The following GALNTL6 variants were observed in gnomAD, a reference collection of about 807,000 sequenced individuals.
GALNTL6 encodes polypeptide N-acetylgalactosaminyltransferase like 6, also known as polypeptide N-acetylgalactosaminyltransferase-like 6.
A neutral mutation model predicts 73.7 loss-of-function variants in GALNTL6; 46 were observed. The observed-to-expected ratio is 0.62, with a 90% CI of 0.49 to 0.80. GALNTL6 has a LOEUF of 0.80. Among genes scored for constraint, GALNTL6 ranks in the 30% least tolerant of loss-of-function variants. The pLI is 0.00. For missense variants in GALNTL6, 604 were observed against 755.0 expected, an observed-to-expected ratio of 0.80 and a Z score of 2.34; for synonymous variants, 259 against 263.7, an observed-to-expected ratio of 0.98 and a Z score of 0.17.
At position 172,705,826 on chromosome 4, in the gene GALNTL6, T is replaced by G. The variant is rs139716263; in HGVS notation, c.554-103535T>G. On this transcript the variant is annotated intron_variant, in intron 5 of 12. Transcript: ENST00000506823. ...TCTTCCTGTCCTGTAGGGTTTCTAC[T>G]GAGAAGTCTGTTGCCAGACAAATCA... 2.0e-5 allele frequency among the ~76,000 whole-genome samples: 3 copies of G among 152,286 alleles called. No homozygotes were observed. The East Asian group carries it at 5.8e-4, about 29-fold the overall frequency.
At position 172,736,151 on chromosome 4, in the gene GALNTL6, A is replaced by C. The variant is rs927914779; in HGVS notation, c.554-73210A>C. Among the ~76,000 whole-genome samples the C allele has an allele frequency of 2.0e-5, 3 of 152,214 alleles. No homozygotes were observed. The South Asian group carries it at 6.2e-4, about 31-fold the overall frequency. The stretch of plus-strand genomic sequence containing the variant: ...CAGGAAACAGGGTTTGAGAGCAGAC[A>C]ACTGGTCTGACTAGAATTTCACCTG... On this transcript the variant is annotated intron_variant, in intron 5 of 12. Transcript: ENST00000506823.
At chr4:172,168,190 A>C (rs183357425) in intron 2 of GALNTL6, among the ~76,000 whole-genome samples, 1 of 152,330 alleles carries the variant, frequency 6.6e-6, no homozygotes, top group Admixed American at 6.5e-5. Flanking sequence ...AAATCCACGA[A>C]AAGTTTCCAG....
At chr4:171,967,081 A>G (rs1386755825) in intron 2 of GALNTL6, among the ~76,000 whole-genome samples, 1 of 152,236 alleles carries the variant, frequency 6.6e-6, no homozygotes, top group Non-Finnish European at 1.5e-5. Flanking sequence ...AAAACCTCCA[A>G]GTATATTTCA....
chr4:172,111,091 C>T (rs544543173), intron 2 of GALNTL6, among the ~76,000 whole-genome samples: 80 of 152,030 alleles, frequency 5.3e-4, no homozygotes, highest in Non-Finnish European at 1.0e-3. Flanking sequence ...CAATCAGCAT[C>T]ATTAGATAAT....
chr4:172,547,319 C>T (rs529095580), intron 5 of GALNTL6, among the ~76,000 whole-genome samples: 3 of 152,182 alleles, frequency 2.0e-5, no homozygotes, highest in Non-Finnish European at 2.9e-5. Context: ...CAGACTGATG[C>T]AAGCCAGGGC....
chr4:171,846,995 T>G (rs1289810867), intron 2 of GALNTL6, among the ~76,000 whole-genome samples: 1 of 147,920 alleles, frequency 6.8e-6, no homozygotes, highest in Non-Finnish European at 1.5e-5. Context: ...CATATACATA[T>G]AATTATATAG....
At chr4:172,784,779 G>T (rs375633540) in intron 5 of GALNTL6, among the ~76,000 whole-genome samples, 2 of 152,286 alleles carry the variant, frequency 1.3e-5, no homozygotes, top group East Asian at 1.9e-4. Flanking sequence ...TAGATGAAGT[G>T]CTTGTTTGCT....
chr4:172,938,395 A>G (rs1579680894), intron 9 of GALNTL6, among the ~76,000 whole-genome samples: 1 of 152,190 alleles, frequency 6.6e-6, no homozygotes, highest in Non-Finnish European at 1.5e-5. Context: ...CAGCTTTCCC[A>G]TCTGAAATAG....
At chr4:171,942,302 AG>A (rs1738575900) in intron 2 of GALNTL6, among the ~76,000 whole-genome samples, 1 of 148,902 alleles carries the variant, frequency 6.7e-6, no homozygotes, top group Admixed American at 6.8e-5. Context: ...GAGAAAAATG[AG>A]GGGAGGAGGT....
At chr4:172,767,641 GA>G (rs1738509670) in intron 5 of GALNTL6, among the ~76,000 whole-genome samples, 1 of 148,968 alleles carries the variant, frequency 6.7e-6, no homozygotes, top group South Asian at 2.2e-4. Flanking sequence ...GTTGTTTTTT[GA>G]GATACTCAAG....
At chr4:172,241,896 T>A (rs1737446177) in intron 3 of GALNTL6, among the ~76,000 whole-genome samples, 1 of 152,238 alleles carries the variant, frequency 6.6e-6, no homozygotes, top group Admixed American at 6.5e-5. Flanking sequence ...ACCTCTCAGC[T>A]GTACATTATC....
chr4:172,304,920 A>G (rs1475608738), intron 3 of GALNTL6, among the ~76,000 whole-genome samples: 1 of 152,198 alleles, frequency 6.6e-6, no homozygotes, highest in Non-Finnish European at 1.5e-5. Flanking sequence ...TGCAGTTTCC[A>G]GGTTATACAA....
At chr4:171,988,047 G>A (rs1447921484) in intron 2 of GALNTL6, among the ~76,000 whole-genome samples, 1 of 152,186 alleles carries the variant, frequency 6.6e-6, no homozygotes, top group Admixed American at 6.5e-5. Context: ...TATGAGAAAT[G>A]TAGAGAGTGA....
chr4:172,028,038 A>G (rs551106469), intron 2 of GALNTL6, among the ~76,000 whole-genome samples: 3 of 152,118 alleles, frequency 2.0e-5, no homozygotes, highest in Non-Finnish European at 4.4e-5. Context: ...TAGCTAGAAT[A>G]ATTGATGAAG....
At chr4:171,841,341 T>C (rs1579501226) in intron 2 of GALNTL6, among the ~76,000 whole-genome samples, 1 of 152,176 alleles carries the variant, frequency 6.6e-6, no homozygotes, top group Non-Finnish European at 1.5e-5. Context: ...ACTGCAAATA[T>C]TATATTGAAC....
intron 3 of GALNTL6, among the ~76,000 whole-genome samples, chr4:172,310,702 A>C (rs775664780): frequency 2.6e-5 from 4 of 152,160 alleles, no homozygotes; most frequent in Non-Finnish European, 5.9e-5. Context: ...TAAAAACAGA[A>C]TGGTAGTAAA....
At chr4:173,011,891 C>G (rs181723390) in intron 11 of GALNTL6, among the ~76,000 whole-genome samples, 1 of 152,098 alleles carries the variant, frequency 6.6e-6, no homozygotes, top group Non-Finnish European at 1.5e-5. Context: ...TGCCTTTGCT[C>G]TCTTTTAGCG....
At chr4:172,976,151 G>T (rs1042322509) in intron 10 of GALNTL6, among the ~76,000 whole-genome samples, 1 of 152,110 alleles carries the variant, frequency 6.6e-6, no homozygotes, top group Non-Finnish European at 1.5e-5. Flanking sequence ...GCCATCACTG[G>T]TATTTAAAAA....
At chr4:172,284,849 T>C (rs1387225072) in intron 3 of GALNTL6, among the ~76,000 whole-genome samples, 2 of 152,194 alleles carry the variant, frequency 1.3e-5, no homozygotes, top group Non-Finnish European at 2.9e-5. Context: ...GGTCTATATA[T>C]CTGTTTTTAT....
Sources: allele counts gnomAD v4.1 joint callset (sites outside exome capture counted in the v4.1 genomes callset), GRCh38; gene constraint gnomAD v4.1.1; transcripts MANE v1.5; gene names NCBI Gene and HGNC (gene_info 2026-07-23, HGNC 2026-07-21).